ZNF620: variants seen among roughly 807,000 people sequenced by gnomAD.
The protein encoded by ZNF620 is zinc finger protein 620.
In ZNF620, 10 loss-of-function variants were observed where a neutral mutation model predicts 13.3. The ratio of observed to expected loss-of-function variants is 0.75; its 90% confidence interval spans 0.46 to 1.28. ZNF620 has a LOEUF of 1.28. Ranked by LOEUF, ZNF620 falls within the 50% of genes most tolerant of loss-of-function variation. The pLI is 0.00. For synonymous variants in ZNF620, 166 were observed against 177.6 expected (o/e 0.93, Z 0.52); for missense variants, 461 against 500.2 (o/e 0.92, Z 0.75).
chr3:40,511,389 A>G, intron 2 of ZNF620, 81 bp from the exon 3 acceptor site: 2 of 1,552,876 alleles, frequency 1.3e-6, no homozygotes, highest in East Asian at 4.6e-5. Flanking sequence ...CAATACCACT[A>G]GACCCAGTAG....
chr3:40,507,085 T>C (rs1319325067), intron 2 of ZNF620, among the ~76,000 whole-genome samples: 1 of 143,280 alleles, frequency 7.0e-6, no homozygotes, highest in Non-Finnish European at 1.5e-5. Context: ...TAGATGACCA[T>C]ATGGTTTTTT....
rs1330744995 is a variant in ZNF620 at position 40,516,183 on chromosome 3, G to A, written c.589G>A (p.Glu197Lys). ...QTNPSGQISY[E>K]CGQCGRYFIQ... ...AAATCCTAGTGGTCAGATATCTTAT[G>A]AATGTGGACAATGTGGCAGATATTT... Residue 197 changes from glutamate (E) to lysine (K), a missense_variant, in exon 5 of 5, where the codon GAA (glutamate) becomes AAA (lysine). By Grantham distance (56) the Glu-to-Lys change is moderately conservative. Coordinates refer to ENST00000314529, the MANE Select transcript of ZNF620 (RefSeq NM_175888.4). 6.2e-7 allele frequency: 1 copy of A among 1,614,092 alleles called. No homozygotes were observed. Among genetic ancestry groups the A allele is most frequent in the East Asian group, 2.2e-5 (1 of 44,892 alleles).
In ZNF620 at chr3:40,506,293, T is replaced by TA; in HGVS notation, c.-49-11_-49-10insA. 14 of 1,611,754 alleles carry TA rather than the reference T, an allele frequency of 8.7e-6. No homozygotes were observed. The highest frequency in any genetic ancestry group is 1.2e-5 in the Non-Finnish European group (14 of 1,178,652). ...ATCAATCTCACCGGTGCTTCTTTAT[T>TA]TTCTCTTCAGTTTCACTTCTCCGAA... On this transcript the variant is annotated splice_polypyrimidine_tract_variant and intron_variant, in intron 1 of 4. Transcript: ENST00000314529.
chr3:40,514,175 G>C (rs939223561), intron 4 of ZNF620, among the ~76,000 whole-genome samples: 1 of 152,172 alleles, frequency 6.6e-6, no homozygotes, highest in African/African-American at 2.4e-5. Context: ...TGCTTCAGTG[G>C]TCACGCTCCT....
intron 4 of ZNF620, among the ~76,000 whole-genome samples, chr3:40,514,513 G>T (rs1233987978): frequency 1.3e-5 from 2 of 151,794 alleles, no homozygotes; most frequent in African/African-American, 4.8e-5. Context: ...ACCATCTCTC[G>T]TCTCTGCACA....
At chr3:40,507,142 A>C (rs927734797) in intron 2 of ZNF620, among the ~76,000 whole-genome samples, 6 of 121,408 alleles carry the variant, frequency 4.9e-5, no homozygotes, top group African/African-American at 1.6e-4. Flanking sequence ...GACAGGCTGG[A>C]GTGCAGTGGC....
chr3:40,517,109 T>G lies in ZNF620; in HGVS notation c.*246T>G. On this transcript the variant is annotated 3_prime_UTR_variant, in exon 5 of 5. Transcript: ENST00000314529. ...TTCCAGATTTAAAGGACATGCTGGG[T>G]GCCCAGCAGGATGGATTCAAGGGAA... 2.8e-6 allele frequency: 1 copy of G among 359,304 alleles called. No homozygotes were observed. Among genetic ancestry groups the G allele is most frequent in the Non-Finnish European group, 5.0e-6 (1 of 201,754 alleles). The allele number at this position is 359,304 out of a possible 1,614,324, so 22.3% of individuals were successfully genotyped here.
chr3:40,507,336 C>T (rs931573752), intron 2 of ZNF620, among the ~76,000 whole-genome samples: 17 of 152,254 alleles, frequency 1.1e-4, no homozygotes, highest in African/African-American at 1.4e-4. Flanking sequence ...GTGATTCCCC[C>T]ACCTTGGCTT....
intron 3 of ZNF620, 40 bp from the exon 4 acceptor site, chr3:40,512,362 G>T: frequency 6.4e-7 from 1 of 1,572,212 alleles, no homozygotes; most frequent in South Asian, 1.1e-5. Context: ...CCTGGTTCCT[G>T]ATTCCCCTTA....
At chr3:40,511,688 C>CTT in intron 3 of ZNF620, 92 bp downstream of exon 3, 16 of 1,345,914 alleles carry the variant, frequency 1.2e-5, no homozygotes, top group African/African-American at 1.5e-5. Flanking sequence ...TTCTTTTTTT[C>CTT]TTTTTTTTTT....
intron 2 of ZNF620, among the ~76,000 whole-genome samples, chr3:40,509,652 C>T (rs1698136305): frequency 6.6e-6 from 1 of 152,188 alleles, no homozygotes; most frequent in African/African-American, 2.4e-5. Context: ...ATGTACTGAT[C>T]TGTATTTTGT....
chr3:40,512,504 G>T lies in ZNF620; in HGVS notation c.254G>T (p.Gly85Val), dbSNP rs766145411. Residue 85 changes from glycine (G) to valine (V), a missense_variant, in exon 4 of 5, where the codon GGT becomes GTT. Physicochemically the swap from Gly to Val is moderately radical, Grantham distance 109. Coordinates refer to ENST00000314529, the MANE Select transcript of ZNF620 (RefSeq NM_175888.4). ...WEPMGREALR[G>V]ICPGDEARTE... ...CCTATGGGCAGGGAGGCTCTCAGAG[G>T]TATCTGTCCAGGTGAGCATGAGAAC... is the stretch of plus-strand genomic sequence containing the variant. 6.8e-6 allele frequency: 11 copies of T among 1,612,738 alleles called. No homozygotes were observed. The highest frequency in any genetic ancestry group is 1.7e-4 in the Middle Eastern group (1 of 6,052).
At chr3:40,507,089 GTTTTTT>G (rs370195603) in intron 2 of ZNF620, among the ~76,000 whole-genome samples, 3 of 98,144 alleles carry the variant, frequency 3.1e-5, no homozygotes, top group Non-Finnish European at 5.7e-5. Flanking sequence ...TGACCATATG[GTTTTTT>G]TTTTTTTTTT....
chr3:40,514,581 G>C (rs928832779), intron 4 of ZNF620, among the ~76,000 whole-genome samples: 14 of 152,124 alleles, frequency 9.2e-5, no homozygotes, highest in Admixed American at 8.5e-4. Flanking sequence ...CTGAGTGACA[G>C]AGCGAGACTC....
At position 40,518,273 on chromosome 3, in the gene ZNF620, G is replaced by C. The variant is rs530098596; in HGVS notation, c.*1410G>C. 6.6e-6 allele frequency: 1 copy of C among 152,200 alleles called. No individual in the cohort carries two copies. The highest frequency in any genetic ancestry group is 1.5e-5 in the Non-Finnish European group (1 of 68,032). The allele number at this position is 152,200 out of a possible 1,614,324, so 9.4% of individuals were successfully genotyped here. Reference sequence around the variant, plus strand: ...AATAATACAGAGCCAGGCAGACTTTGGTTTGAGTCCAGGTGTTTGTCCTTG... The same window carrying C: ...AATAATACAGAGCCAGGCAGACTTTCGTTTGAGTCCAGGTGTTTGTCCTTG... On this transcript the variant is annotated 3_prime_UTR_variant, in exon 5 of 5. Coordinates refer to ENST00000314529, the MANE Select transcript of ZNF620 (RefSeq NM_175888.4).
In ZNF620 at chr3:40,515,852, T is replaced by A. The variant is rs772906801; in HGVS notation, c.266-8T>A. ...GGGACTGACATTTGTATTTTCTTTT[T>A]GTGATAGGGGATGAGGCCAGAACTG... is the stretch of plus-strand genomic sequence containing the variant. On this transcript the variant is annotated splice_region_variant and splice_polypyrimidine_tract_variant and intron_variant, in intron 4 of 4. Transcript: ENST00000314529. 7.5e-6 allele frequency: 12 copies of A among 1,591,188 alleles called. No individual in the cohort carries two copies. The South Asian group carries it at 1.3e-4, about 17-fold the overall frequency.
rs571647874 is a variant in ZNF620 at position 40,506,071 on chromosome 3, T to A, written c.-117T>A. On this transcript the variant is annotated 5_prime_UTR_variant, in exon 1 of 5. Transcript: ENST00000314529. ...CCCCGGTGTCGGCGGCAGGTGGAAT[T>A]TCCACGCTTTATCTGCGCCTGCGCC... 2 of 538,932 alleles carry A rather than the reference T, an allele frequency of 3.7e-6. No individual in the cohort carries two copies. Among genetic ancestry groups the A allele is most frequent in the Non-Finnish European group, 6.7e-6 (2 of 298,932 alleles). 33.4% of individuals were successfully genotyped at this position (538,932 alleles called of 1,614,324 possible).
intron 4 of ZNF620, among the ~76,000 whole-genome samples, chr3:40,515,337 G>T (rs1293148186): frequency 1.3e-5 from 2 of 152,200 alleles, no homozygotes; most frequent in Non-Finnish European, 1.5e-5. Context: ...GAGCCAGCTT[G>T]ATGGTAGAGA....
chr3:40,513,688 T>C (rs555919692), intron 4 of ZNF620, among the ~76,000 whole-genome samples: 2 of 151,804 alleles, frequency 1.3e-5, no homozygotes, highest in South Asian at 4.1e-4. Context: ...AAAGAAAATA[T>C]ATAGAATAAG....
Sources: allele counts gnomAD v4.1 joint callset (sites outside exome capture counted in the v4.1 genomes callset), GRCh38; gene constraint gnomAD v4.1.1; transcripts MANE v1.5; gene names NCBI Gene and HGNC (gene_info 2026-07-23, HGNC 2026-07-21).